Variants in HPSE2 observed in about 807,000 individuals in gnomAD.
HPSE2 encodes heparanase 2 (inactive).
A neutral mutation model predicts 60.5 loss-of-function variants in HPSE2; 38 were observed. The ratio of observed to expected loss-of-function variants is 0.63; its 90% CI spans 0.48 to 0.82. The LOEUF is 0.82. Ranked by LOEUF, HPSE2 falls within the 40% of genes least tolerant of loss-of-function variation. HPSE2 has a pLI of 0.00. For synonymous variants in HPSE2, 295 were observed against 293.2 expected (o/e 1.01, Z -0.06); for missense variants, 713 against 740.4 (o/e 0.96, Z 0.43).
At chr10:98,519,831 C>A (rs1942728437) in intron 9 of HPSE2, among the ~76,000 whole-genome samples, 1 of 152,132 alleles carries the variant, frequency 6.6e-6, no homozygotes, top group South Asian at 2.1e-4. Context: ...TGGTCTCCAC[C>A]CAGACCCCTC....
At chr10:98,491,135 C>T (rs1941628803) in intron 9 of HPSE2, among the ~76,000 whole-genome samples, 1 of 152,172 alleles carries the variant, frequency 6.6e-6, no homozygotes, top group Admixed American at 6.5e-5. Context: ...TCAGTGCATA[C>T]TCTTCAATGC....
intron 3 of HPSE2, among the ~76,000 whole-genome samples, chr10:99,078,774 C>A (rs1173146490): frequency 6.6e-6 from 1 of 152,090 alleles, no homozygotes; most frequent in Non-Finnish European, 1.5e-5. Context: ...GTGATGGTAT[C>A]TGTGCATTAG....
At chr10:99,153,645 A>C (rs549088776) in intron 2 of HPSE2, among the ~76,000 whole-genome samples, 1 of 152,310 alleles carries the variant, frequency 6.6e-6, no homozygotes, top group East Asian at 1.9e-4. Context: ...AACCACAAAG[A>C]TGGGGAAAAA....
intron 3 of HPSE2, among the ~76,000 whole-genome samples, chr10:99,119,069 AAGAAAGAAAG>A (rs1332394716): frequency 5.1e-4 from 64 of 124,592 alleles, no homozygotes; most frequent in Middle Eastern, 4.0e-3. Flanking sequence ...AAGAGAGAGA[AAGAAAGAAAG>A]AGAAAGAAAG....
intron 3 of HPSE2, among the ~76,000 whole-genome samples, chr10:98,964,176 C>T (rs1306470497): frequency 3.9e-5 from 6 of 152,018 alleles, no homozygotes; most frequent in Non-Finnish European, 5.9e-5. Flanking sequence ...TTTCAACTGC[C>T]CACCCTTTCC....
At chr10:98,982,893 T>C (rs565333798) in intron 3 of HPSE2, among the ~76,000 whole-genome samples, 2 of 152,370 alleles carry the variant, frequency 1.3e-5, no homozygotes, top group East Asian at 1.9e-4. Context: ...CTTGAATTAC[T>C]TGTTCTCTAG....
intron 2 of HPSE2, among the ~76,000 whole-genome samples, chr10:99,223,422 G>A (rs1350348107): frequency 1.3e-5 from 2 of 152,084 alleles, no homozygotes; most frequent in Admixed American, 6.5e-5. Context: ...AATCTGGGCA[G>A]TTTACCTTTT....
chr10:99,134,688 C>G (rs1376526958), intron 3 of HPSE2, among the ~76,000 whole-genome samples: 1 of 152,144 alleles, frequency 6.6e-6, no homozygotes, highest in Non-Finnish European at 1.5e-5. Flanking sequence ...TTTGTCACCA[C>G]CAGGCTTGCC....
chr10:98,866,537 A>C (rs557329098), intron 3 of HPSE2, among the ~76,000 whole-genome samples: 8 of 152,208 alleles, frequency 5.3e-5, no homozygotes, highest in African/African-American at 1.9e-4. Context: ...AAGCATAAGA[A>C]ACATAAAGAA....
intron 9 of HPSE2, among the ~76,000 whole-genome samples, chr10:98,566,882 T>C (rs1175071868): frequency 6.6e-6 from 1 of 152,160 alleles, no homozygotes; most frequent in African/African-American, 2.4e-5. Context: ...GGGTGAGAAT[T>C]ATAGAAGGTC....
At chr10:98,482,526 C>T (rs1439458156) in intron 11 of HPSE2, 110 bp downstream of exon 11, 12 of 1,347,662 alleles carry the variant, frequency 8.9e-6, no homozygotes, top group Non-Finnish European at 1.2e-5. Flanking sequence ...TGTCCTACTC[C>T]ATCCCACTGA....
At position 98,870,471 on chromosome 10, in the gene HPSE2, CTG is replaced by C. The variant is rs569374914; in HGVS notation, c.611-126417_611-126416del. 2.1e-4 allele frequency among the ~76,000 whole-genome samples: 32 copies of C among 151,990 alleles called. No individual in the cohort carries two copies. In the South Asian group the frequency reaches 6.4e-3, roughly 31 times the overall value. ...CCTATCTTTGGTAGAGCTGACAACT[CTG>C]TGAACAAAAGGCCACTGGGACTTAT... On this transcript the variant is annotated intron_variant, in intron 3 of 11. Transcript: ENST00000370552.
chr10:98,964,180 C>G (rs1006963730), intron 3 of HPSE2, among the ~76,000 whole-genome samples: 5 of 152,062 alleles, frequency 3.3e-5, no homozygotes, highest in Non-Finnish European at 7.4e-5. Flanking sequence ...AACTGCCCAC[C>G]CTTTCCTAAA....
At chr10:98,751,634 T>C (rs1240981883) in intron 3 of HPSE2, among the ~76,000 whole-genome samples, 1 of 152,190 alleles carries the variant, frequency 6.6e-6, no homozygotes, top group Non-Finnish European at 1.5e-5. Flanking sequence ...CTTATTCTAA[T>C]TGTGAGCATG....
At chr10:98,850,922 C>G (rs1002745479) in intron 3 of HPSE2, among the ~76,000 whole-genome samples, 4 of 152,072 alleles carry the variant, frequency 2.6e-5, no homozygotes, top group African/African-American at 9.7e-5. Flanking sequence ...ACTTTGTCTT[C>G]TAAGATAATT....
chr10:99,071,891 G>A (rs1842801790), intron 3 of HPSE2, among the ~76,000 whole-genome samples: 1 of 152,038 alleles, frequency 6.6e-6, no homozygotes, highest in South Asian at 2.1e-4. Flanking sequence ...GGTCAACTGG[G>A]TTTATTTCTG....
At chr10:98,688,172 G>A (rs1218497207) in intron 6 of HPSE2, among the ~76,000 whole-genome samples, 1 of 151,860 alleles carries the variant, frequency 6.6e-6, no homozygotes, top group East Asian at 1.9e-4. Flanking sequence ...AGTAAGTATT[G>A]TACTACTTAT....
intron 3 of HPSE2, among the ~76,000 whole-genome samples, chr10:98,890,197 G>T (rs1336280851): frequency 6.6e-6 from 1 of 151,898 alleles, no homozygotes; most frequent in Admixed American, 6.6e-5. Context: ...TTTTTATTTT[G>T]TTTTTACCCA....
At chr10:99,162,181 T>C (rs139158163) in intron 2 of HPSE2, among the ~76,000 whole-genome samples, 50 of 152,338 alleles carry the variant, frequency 3.3e-4, no homozygotes, top group African/African-American at 1.2e-3. Context: ...TCTGTTATAA[T>C]GGTAAATTCT....
Sources: allele counts gnomAD v4.1 joint callset (sites outside exome capture counted in the v4.1 genomes callset), GRCh38; gene constraint gnomAD v4.1.1; transcripts MANE v1.5; gene names NCBI Gene and HGNC (gene_info 2026-07-23, HGNC 2026-07-21).